GHR: variants seen among roughly 807,000 people sequenced by gnomAD.
The protein encoded by GHR is growth hormone receptor.
GHR carries 35 observed loss-of-function variants against 67.1 expected under a neutral mutation model. The ratio of observed to expected loss-of-function variants is 0.52; its 90% confidence interval spans 0.40 to 0.69. GHR has a LOEUF of 0.69. GHR is among the 30% of genes least tolerant of loss of function. The probability of loss-of-function intolerance (pLI) is 0.00; values close to 1 mark genes in which losing one functional copy is unlikely to be tolerated. For synonymous variants in GHR, 272 were observed against 269.1 expected (o/e 1.01, Z -0.10); for missense variants, 792 against 764.6 (o/e 1.04, Z -0.42).
chr5:42,716,168 TC>T (rs58503604), intron 8 of GHR, among the ~76,000 whole-genome samples: 96,493 of 147,248 alleles, frequency 0.66, 32,273 homozygotes, highest in East Asian at 0.86. Context: ...AGATGCAGAA[TC>T]AAAAAAAAAA....
chr5:42,551,296 TA>T (rs1020577541), intron 1 of GHR, among the ~76,000 whole-genome samples: 10 of 151,368 alleles, frequency 6.6e-5, no homozygotes, highest in South Asian at 2.1e-4. Context: ...TAGTAAAGGT[TA>T]AAAAAAAACA....
chr5:42,494,287 G>A (rs531666928), intron 1 of GHR, among the ~76,000 whole-genome samples: 49 of 152,200 alleles, frequency 3.2e-4, no homozygotes, highest in African/African-American at 1.2e-3. Flanking sequence ...ATTTTCAGGG[G>A]AAAGGAAGAG....
At chr5:42,661,627 C>G (rs1363192814) in intron 3 of GHR, among the ~76,000 whole-genome samples, 1 of 152,202 alleles carries the variant, frequency 6.6e-6, no homozygotes, top group Non-Finnish European at 1.5e-5. Flanking sequence ...AAAGGAACAA[C>G]AGGTACCAGC....
chr5:42,452,104 C>A (rs1225003987), intron 1 of GHR, among the ~76,000 whole-genome samples: 2 of 152,158 alleles, frequency 1.3e-5, no homozygotes, highest in Non-Finnish European at 2.9e-5. Context: ...TTGGTAGTGG[C>A]AAATTCCCTC....
intron 1 of GHR, among the ~76,000 whole-genome samples, chr5:42,514,674 A>G (rs1747164789): frequency 6.6e-6 from 1 of 152,142 alleles, no homozygotes; most frequent in African/African-American, 2.4e-5. Flanking sequence ...GAATTCTGCC[A>G]CAGTGGGGAC....
intron 3 of GHR, among the ~76,000 whole-genome samples, chr5:42,633,484 T>G (rs913843615): frequency 1.3e-5 from 2 of 152,182 alleles, no homozygotes; most frequent in Non-Finnish European, 2.9e-5. Flanking sequence ...GGACAAAAAT[T>G]TAATATAGTA....
At chr5:42,700,150 C>T (rs772473806) in intron 6 of GHR, 148 bp downstream of exon 6, 23 of 656,654 alleles carry the variant, frequency 3.5e-5, no homozygotes, top group Admixed American at 1.1e-4. Flanking sequence ...ATTATTTAAC[C>T]GGTAAAATAT....
At chr5:42,639,491 A>G (rs746467157) in intron 3 of GHR, among the ~76,000 whole-genome samples, 4 of 151,806 alleles carry the variant, frequency 2.6e-5, no homozygotes, top group Non-Finnish European at 4.4e-5. Flanking sequence ...TTCTTTTTTT[A>G]TCTCCTACTA....
At chr5:42,498,723 A>G (rs905972345) in intron 1 of GHR, among the ~76,000 whole-genome samples, 2 of 152,242 alleles carry the variant, frequency 1.3e-5, no homozygotes, top group Non-Finnish European at 2.9e-5. Flanking sequence ...ACTTCAGCTT[A>G]TATCTCATTA....
At position 42,565,880 on chromosome 5, in the gene GHR, T is replaced by C. The variant is rs1185116615; in HGVS notation, c.6T>C (p.Asp2=). Reference sequence around the variant, plus strand: ...TGATTGCAGGTCCTACAGGTATGGATCTCTGGCAGCTGCTGTTGACCTTGG... The same window carrying C: ...TGATTGCAGGTCCTACAGGTATGGACCTCTGGCAGCTGCTGTTGACCTTGG... M[D]LWQLLLTLAL... is the part of the protein sequence containing the mutation. The change falls in exon 2 of 10, where the codon GAT becomes GAC. Residue 2 remains aspartate, a synonymous_variant. Coordinates refer to ENST00000230882, the MANE Select transcript of GHR (RefSeq NM_000163.5). The C allele has an allele frequency of 1.2e-6, 2 of 1,613,952 alleles. No individual in the cohort carries two copies. The highest frequency in any genetic ancestry group is 2.7e-5 in the African/African-American group (2 of 74,914).
intron 2 of GHR, among the ~76,000 whole-genome samples, chr5:42,571,104 A>C (rs1750281365): frequency 6.6e-6 from 1 of 152,234 alleles, no homozygotes; most frequent in African/African-American, 2.4e-5. Context: ...GATCATCAGC[A>C]ATGACTCACG....
intron 3 of GHR, among the ~76,000 whole-genome samples, chr5:42,661,458 T>C (rs1755619124): frequency 6.6e-6 from 1 of 152,174 alleles, no homozygotes; most frequent in Non-Finnish European, 1.5e-5. Flanking sequence ...TTCAACATTC[T>C]TAAAGAAAAG....
intron 1 of GHR, among the ~76,000 whole-genome samples, chr5:42,469,869 A>C (rs896827577): frequency 1.3e-5 from 2 of 152,068 alleles, no homozygotes; most frequent in South Asian, 4.1e-4. Context: ...TCTTTCTGTG[A>C]AGTTCCTAGG....
chr5:42,572,940 T>C (rs563693751), intron 2 of GHR, among the ~76,000 whole-genome samples: 58 of 152,280 alleles, frequency 3.8e-4, no homozygotes, highest in Non-Finnish European at 5.9e-4. Context: ...TATAATGACA[T>C]CTGTGTTTCA....
At chr5:42,489,219 A>G (rs1307600463) in intron 1 of GHR, among the ~76,000 whole-genome samples, 1 of 151,690 alleles carries the variant, frequency 6.6e-6, no homozygotes, top group Non-Finnish European at 1.5e-5. Flanking sequence ...TCATTTTCCT[A>G]GTCCTCTTTT....
chr5:42,478,275 T>C (rs934309388), intron 1 of GHR, among the ~76,000 whole-genome samples: 9 of 152,250 alleles, frequency 5.9e-5, no homozygotes, highest in African/African-American at 1.9e-4. Flanking sequence ...CATGCTGTTT[T>C]GGTTACTGTA....
intron 6 of GHR, among the ~76,000 whole-genome samples, chr5:42,701,065 C>A (rs893444121): frequency 3.9e-5 from 6 of 152,124 alleles, no homozygotes; most frequent in African/African-American, 1.2e-4. Flanking sequence ...CCTGAGGTGG[C>A]GGTTCTCAAA....
intron 1 of GHR, among the ~76,000 whole-genome samples, chr5:42,525,666 C>A (rs534754109): frequency 6.6e-6 from 1 of 152,172 alleles, no homozygotes; most frequent in Non-Finnish European, 1.5e-5. Context: ...GTGTCCCCAC[C>A]CAAATCTCAC....
intron 3 of GHR, among the ~76,000 whole-genome samples, chr5:42,683,514 T>C (rs1242334426): frequency 2.0e-5 from 3 of 152,188 alleles, no homozygotes; most frequent in Non-Finnish European, 4.4e-5. Flanking sequence ...ATTCTTCTGA[T>C]TAGAAGCAAG....
Sources: allele counts gnomAD v4.1 joint callset (sites outside exome capture counted in the v4.1 genomes callset), GRCh38; gene constraint gnomAD v4.1.1; transcripts MANE v1.5; gene names NCBI Gene and HGNC (gene_info 2026-07-23, HGNC 2026-07-21).